Variants in TTPA observed in about 807,000 individuals in gnomAD.
TTPA encodes the protein alpha-tocopherol transfer protein.
In TTPA, 23 loss-of-function variants were observed where a neutral mutation model predicts 25.9. The ratio of observed to expected loss-of-function variants is 0.89; its 90% CI spans 0.64 to 1.26. The LOEUF (loss-of-function observed/expected upper bound fraction) is 1.26, where lower values mean the gene tolerates loss of function less well. TTPA is among the 50% of genes most tolerant of loss of function. The pLI, the probability that TTPA is intolerant of heterozygous loss-of-function variation, is 0.00. For synonymous variants in TTPA, 148 were observed against 137.3 expected, an observed-to-expected ratio of 1.08 and a Z score of -0.54; for missense variants, 337 against 353.1, an observed-to-expected ratio of 0.95 and a Z score of 0.37.
At chr8:63,070,220 TA>T (rs142568624) in intron 2 of TTPA, among the ~76,000 whole-genome samples, 10,261 of 152,230 alleles carry the variant, frequency 0.067, 630 homozygotes, top group African/African-American at 0.16. Context: ...CTTTTGCTGC[TA>T]GTAGTATACT....
chr8:63,078,050 G>C (rs534190366), intron 1 of TTPA, among the ~76,000 whole-genome samples: 2 of 152,172 alleles, frequency 1.3e-5, no homozygotes, highest in African/African-American at 4.8e-5. Flanking sequence ...ACAGGGTCTG[G>C]AATGGACCTC....
At chr8:63,071,259 AT>A (rs1218676225) in intron 2 of TTPA, among the ~76,000 whole-genome samples, 39 of 152,194 alleles carry the variant, frequency 2.6e-4, no homozygotes, top group African/African-American at 9.4e-4. Flanking sequence ...GCCCCAAATC[AT>A]TTTACTCGAT....
At chr8:63,074,789 T>C (rs548066590) in intron 1 of TTPA, among the ~76,000 whole-genome samples, 24 of 152,354 alleles carry the variant, frequency 1.6e-4, no homozygotes, top group African/African-American at 4.8e-4. Context: ...AATGTGTTTT[T>C]TTTTCCTGTG....
chr8:63,067,283 A>G (rs1406684906), intron 2 of TTPA, among the ~76,000 whole-genome samples: 1 of 152,178 alleles, frequency 6.6e-6, no homozygotes, highest in Admixed American at 6.5e-5. Context: ...ATTCTCTCAA[A>G]TTTGGCACAA....
At chr8:63,085,283 A>C (rs1296472268) in intron 1 of TTPA, among the ~76,000 whole-genome samples, 1 of 152,168 alleles carries the variant, frequency 6.6e-6, no homozygotes, top group African/African-American at 2.4e-5. Flanking sequence ...CCCAGACTCG[A>C]ACTATACTGG....
At chr8:63,066,764 G>A (rs1383681349) in intron 2 of TTPA, among the ~76,000 whole-genome samples, 3 of 152,066 alleles carry the variant, frequency 2.0e-5, no homozygotes, top group African/African-American at 4.8e-5. Context: ...AGTAATGGAT[G>A]GACAAGCAGA....
intron 2 of TTPA, among the ~76,000 whole-genome samples, chr8:63,066,981 G>C (rs6981904): frequency 1.5e-4 from 23 of 151,932 alleles, no homozygotes; most frequent in Non-Finnish European, 2.5e-4. Flanking sequence ...TGGCTGAGGT[G>C]GGGGGAGGGG....
At position 63,079,501 on chromosome 8, in the gene TTPA, CA is replaced by C. The variant is rs954721059; in HGVS notation, c.204+6316del. Among the ~76,000 whole-genome samples the C allele has an allele frequency of 5.4e-3, 804 of 148,398 alleles. 9 individuals carry two copies. Among genetic ancestry groups the C allele is most frequent in the African/African-American group, 0.019 (778 of 40,588 alleles). On this transcript the variant is annotated intron_variant, in intron 1 of 4. Coordinates refer to ENST00000260116, the MANE Select transcript of TTPA (RefSeq NM_000370.3). ...GAATATCTACCAAGCAAATGGAAAG[CA>C]AAAAAAAAGCAGGGGTTGCAATCCT...
chr8:63,068,640 C>T (rs990029140), intron 2 of TTPA, among the ~76,000 whole-genome samples: 6 of 151,966 alleles, frequency 3.9e-5, no homozygotes, highest in Non-Finnish European at 5.9e-5. Context: ...TTTTGTGGAA[C>T]GAATGAGGAG....
rs1199466810 is a variant in TTPA, at chr8:63,060,367, C to T, written c.*885G>A. 1 of 152,166 alleles carries T rather than the reference C, an allele frequency of 6.6e-6. No individual in the cohort carries two copies. The highest frequency in any genetic ancestry group is 1.5e-5 in the Non-Finnish European group (1 of 68,030). 9.4% of individuals were successfully genotyped at this position (152,166 alleles called of 1,614,324 possible). A position where few individuals can be genotyped will look rare whatever the true frequency, so the allele number is the denominator to read the frequency against. On this transcript the variant is annotated 3_prime_UTR_variant, in exon 5 of 5. Coordinates refer to ENST00000260116, the MANE Select transcript of TTPA (RefSeq NM_000370.3). ...TTAATCAATTACATCAACATGATTT[C>T]ACAGAGACCTAAAGATGCCACATAG... is the stretch of plus-strand genomic sequence containing the variant.
intron 2 of TTPA, among the ~76,000 whole-genome samples, chr8:63,072,620 T>G (rs1805500162): frequency 6.6e-6 from 1 of 152,236 alleles, no homozygotes; most frequent in African/African-American, 2.4e-5. Context: ...ACACTATTCA[T>G]CTTCACTATT....
chr8:63,073,556 T>A (rs1009525681), intron 1 of TTPA, among the ~76,000 whole-genome samples: 1 of 152,172 alleles, frequency 6.6e-6, no homozygotes, highest in African/African-American at 2.4e-5. Context: ...TACTGAATGA[T>A]AGCAATTCAT....
chr8:63,071,562 T>G (rs1335092866), intron 2 of TTPA, among the ~76,000 whole-genome samples: 1 of 152,102 alleles, frequency 6.6e-6, no homozygotes, highest in Non-Finnish European at 1.5e-5. Flanking sequence ...AGGACAGAAG[T>G]TATAGGTCAC....
chr8:63,071,651 G>A (rs1490838527), intron 2 of TTPA, among the ~76,000 whole-genome samples: 4 of 152,192 alleles, frequency 2.6e-5, no homozygotes, highest in Non-Finnish European at 5.9e-5. Flanking sequence ...ATGGTAGTAA[G>A]AGGTGGGCCC....
intron 3 of TTPA, among the ~76,000 whole-genome samples, 191 bp downstream of exon 3, chr8:63,065,713 T>G (rs1404892548): frequency 6.6e-6 from 1 of 152,184 alleles, no homozygotes; most frequent in Non-Finnish European, 1.5e-5. Context: ...TGCAGTTTGT[T>G]GCAACATTTT....
intron 1 of TTPA, among the ~76,000 whole-genome samples, chr8:63,084,646 AAGAT>A (rs1218809083): frequency 3.3e-5 from 5 of 152,230 alleles, no homozygotes; most frequent in Non-Finnish European, 5.9e-5. Context: ...GCTGTTTAAA[AAGAT>A]AAATGAGTAA....
At position 63,085,893 on chromosome 8, in the gene TTPA, C is replaced by T. The variant is rs1383278095; in HGVS notation, c.129G>A (p.Ala43=). ...GGAAGGAGTCGGTGAGCGGCAGCGG[C>T]GCGAGCGGGACGCCAGCTTCCCGGG... ...RRAREAGVPL[A]PLPLTDSFLL... is the part of the protein sequence containing the mutation. Residue 43 remains alanine (A), a synonymous_variant, in exon 1 of 5, where the codon GCG becomes GCA. Coordinates refer to ENST00000260116, the MANE Select transcript of TTPA (RefSeq NM_000370.3). 2 of 1,530,230 alleles carry T rather than the reference C, an allele frequency of 1.3e-6. No individual in the cohort carries two copies. The highest frequency in any genetic ancestry group is 1.2e-5 in the South Asian group (1 of 83,182). The allele number at this position is 1,530,230 out of a possible 1,614,324, so 94.8% of individuals were successfully genotyped here.
At chr8:63,067,871 G>C (rs964046878) in intron 2 of TTPA, among the ~76,000 whole-genome samples, 1 of 152,164 alleles carries the variant, frequency 6.6e-6, no homozygotes, top group East Asian at 1.9e-4. Context: ...GTGGTATTTC[G>C]TTTTCTGTTC....
Position 63,059,884 on chromosome 8 carries a change from G to C in TTPA, c.*1368C>G, listed in dbSNP as rs553853197. ...TATTTATTTTTGAAATAGAGACAGG[G>C]TCTCCCTGTATTGCCCAGGCTGGTC... On this transcript the variant is annotated 3_prime_UTR_variant, in exon 5 of 5. Transcript: ENST00000260116. 15 of 152,062 alleles carry C rather than the reference G, an allele frequency of 9.9e-5. No individual in the cohort carries two copies. The East Asian group carries it at 2.9e-3, about 29-fold the overall frequency. The allele number at this position is 152,062 out of a possible 1,614,324, so 9.4% of individuals were successfully genotyped here. A position where few individuals can be genotyped will look rare whatever the true frequency, so the allele number is the denominator to read the frequency against.
Sources: gnomAD v4.1 joint callset for allele counts (sites outside exome capture counted in the v4.1 genomes callset) on GRCh38, gnomAD v4.1.1 for gene constraint, MANE v1.5 for transcripts, NCBI Gene and HGNC (gene_info 2026-07-23, HGNC 2026-07-21) for gene names.